NOS3: variants seen among roughly 807,000 people sequenced by gnomAD.
NOS3 encodes the protein nitric oxide synthase 3, also known as NOS type III.
In NOS3, 98 loss-of-function variants were observed where a neutral mutation model predicts 144.9. The observed-to-expected ratio is 0.68, with a 90% CI of 0.57 to 0.80. NOS3 has a LOEUF of 0.80. Among genes scored for constraint, NOS3 ranks in the 30% least tolerant of loss-of-function variants. NOS3 has a pLI of 0.00. For missense variants in NOS3, 1,465 were observed against 1,656.4 expected, an observed-to-expected ratio of 0.88 and a Z score of 2.01; for synonymous variants, 714 against 702.4, an observed-to-expected ratio of 1.02 and a Z score of -0.26.
rs756506565 is a variant in NOS3, at chr7:150,995,203, C to T, written c.159C>T (p.Ser53=). 6.3e-7 allele frequency: 1 copy of T among 1,576,124 alleles called. No individual in the cohort carries two copies. ...TGACCCTATCCCTGGCTCCCAACAG[C>T]CCCCCGAGCTCCCCGCTAACCCAGC... ...ASLLPPAPEH[S]PPSSPLTQPP... Residue 53 remains serine (S), a splice_region_variant and synonymous_variant, in exon 3 of 27, where the codon AGC becomes AGT. Transcript: ENST00000297494.
rs750442776 is a variant in NOS3 at position 151,014,072 on chromosome 7, G to A, written c.3515G>A (p.Arg1172His). The A allele has an allele frequency of 7.4e-6, 12 of 1,613,734 alleles. No individual in the cohort carries two copies. The highest frequency in any genetic ancestry group is 2.2e-5 in the South Asian group (2 of 91,072). Residue 1172 changes from arginine (R) to histidine (H), a missense_variant, in exon 27 of 27, where the codon CGC (arginine) becomes CAC (histidine). Transcript: ENST00000297494. The part of the protein sequence containing the change: ...LTLRTQEVTS[R>H]IRTQSFSLQE... ...CTGCGCACCCAGGAGGTGACAAGCC[G>A]CATACGCACCCAGAGCTTTTCCTTG...
chr7:151,014,272 C>T lies in NOS3; in HGVS notation c.*103C>T, dbSNP rs1795391246. On this transcript the variant is annotated 3_prime_UTR_variant, in exon 27 of 27. Coordinates refer to ENST00000297494, the MANE Select transcript of NOS3 (RefSeq NM_000603.5). The stretch of plus-strand genomic sequence containing the variant: ...TCCTCCCCTCTTGAGGTGGTGCCTT[C>T]TCACATCTGTCCAGAGGCTGCAAGG... 4.3e-6 allele frequency: 5 copies of T among 1,175,268 alleles called. No individual in the cohort carries two copies. In the Admixed American group the frequency reaches 9.8e-5, roughly 23 times the overall value. 72.8% of individuals were successfully genotyped at this position (1,175,268 alleles called of 1,614,324 possible).
At chr7:151,007,774 G>A (rs1205285806) in intron 17 of NOS3, among the ~76,000 whole-genome samples, 2 of 152,268 alleles carry the variant, frequency 1.3e-5, no homozygotes, top group Non-Finnish European at 2.9e-5. Context: ...AGCACAGGGA[G>A]AGGTGGATCC....
At chr7:151,009,745 G>C (rs569988810) in intron 20 of NOS3, among the ~76,000 whole-genome samples, 160 bp downstream of exon 20, 3 of 152,120 alleles carry the variant, frequency 2.0e-5, no homozygotes, top group Non-Finnish European at 2.9e-5. Flanking sequence ...CCACTGCCGG[G>C]CTGGCCTTGT....
In NOS3 at chr7:151,006,433, G is replaced by A. The variant is rs368760176; in HGVS notation, c.1759G>A (p.Ala587Thr). The stretch of plus-strand genomic sequence containing the variant: ...CAAACACTCCCCTCGCCAGAGCTTT[G>A]CAGCTGCCCTGATGGAGATGTCCGG... ...GDPPENGESF[A>T]AALMEMSGPY... The change falls in exon 15 of 27, where the codon GCA becomes ACA. Residue 587 changes from alanine (A) to threonine (T), a missense_variant. Ala to Thr is a moderately conservative substitution (Grantham distance 58, BLOSUM62 0). Coordinates refer to ENST00000297494, the MANE Select transcript of NOS3 (RefSeq NM_000603.5). The A allele has an allele frequency of 3.7e-6, 6 of 1,613,702 alleles. No homozygotes were observed. In the African/African-American group the frequency reaches 4.0e-5, roughly 11 times the overall value.
rs760308142 is a variant in NOS3, at chr7:150,998,439, G to A, written c.665G>A (p.Gly222Asp). 2 of 1,612,328 alleles carry A rather than the reference G, an allele frequency of 1.2e-6. No individual in the cohort carries two copies. Among genetic ancestry groups the A allele is most frequent in the South Asian group, 2.2e-5 (2 of 90,974 alleles). Residue 222 changes from glycine (G) to aspartate (D), a missense_variant, in exon 6 of 27, where the codon GGC becomes GAC. Gly to Asp is a moderately conservative substitution (Grantham distance 94). Around this residue, in one of 5 missense-constraint regions of NOS3, gnomAD observed 374 missense variants for 377.0 expected, o/e 0.99. Transcript: ENST00000297494. The surrounding 1 kb of genome is among the most constrained non-coding windows in gnomAD (Gnocchi z 5.0). ...CNHIKYATNR[G>D]NLRSAITVFP... ...CACATCAAGTATGCCACCAACCGGG[G>A]CAACCTTCGGTGAGTGCCCCCCACC...
At chr7:151,011,253 G>T (rs1795298198) in intron 23 of NOS3, among the ~76,000 whole-genome samples, 1 of 152,006 alleles carries the variant, frequency 6.6e-6, no homozygotes, top group Non-Finnish European at 1.5e-5. Context: ...GAAAGCTTCT[G>T]TGTTCCTCTC....
intron 3 of NOS3, 56 bp from the exon 4 acceptor site, chr7:150,996,348 T>A (rs1274612781): frequency 1.1e-4 from 12 of 111,008 alleles, no homozygotes; most frequent in African/African-American, 1.9e-4. Flanking sequence ...TGCCCCCAAC[T>A]CCCATCCCAC....
Position 151,009,793 on chromosome 7 carries a change from C to A in NOS3, c.2512+208C>A, listed in dbSNP as rs575623732. Among the ~76,000 whole-genome samples, 5 of 152,328 alleles carry A rather than the reference C, an allele frequency of 3.3e-5. No individual in the cohort carries two copies. The South Asian group carries it at 1.0e-3, about 32-fold the overall frequency. On this transcript the variant is annotated intron_variant, in intron 20 of 26. Coordinates refer to ENST00000297494, the MANE Select transcript of NOS3 (RefSeq NM_000603.5). ...CCCACACCCTCAAATGCACCCCCAC[C>A]AAAAGGCTGTCCCCTCCCTCTGGGC...
intron 14 of NOS3, among the ~76,000 whole-genome samples, chr7:151,004,770 G>A (rs3918228): frequency 0.016 from 2,476 of 152,336 alleles, 49 homozygotes; most frequent in Non-Finnish European, 0.022. Flanking sequence ...TAGGAGAGGA[G>A]TTAGTCACTG....
intron 15 of NOS3, 65 bp downstream of exon 15, chr7:151,006,559 G>C: frequency 7.3e-7 from 1 of 1,366,136 alleles, no homozygotes; most frequent in South Asian, 1.2e-5. Flanking sequence ...AAACAGAAAG[G>C]GGGTCTGAAA....
Position 151,002,188 on chromosome 7 carries a change from T to G in NOS3, c.1648-12T>G. 1 of 1,565,618 alleles carries G rather than the reference T, an allele frequency of 6.4e-7. No individual in the cohort carries two copies. Among genetic ancestry groups the G allele is most frequent in the South Asian group, 1.1e-5 (1 of 87,008 alleles). The stretch of plus-strand genomic sequence containing the variant: ...GCCACAGCACCCAGGACATCTGTCT[T>G]CCCACCCACAGGTCCTGTGTATGGA... On this transcript the variant is annotated splice_polypyrimidine_tract_variant and intron_variant, in intron 13 of 26. Coordinates refer to ENST00000297494, the MANE Select transcript of NOS3 (RefSeq NM_000603.5). This position sits in a 1 kb window ranked among gnomAD's most constrained non-coding sequence, Gnocchi z 4.1.
intron 24 of NOS3, 139 bp from the exon 25 acceptor site, chr7:151,013,092 T>G (rs1234938870): frequency 3.3e-6 from 3 of 909,602 alleles, no homozygotes; most frequent in Non-Finnish European, 5.1e-6. Context: ...TACACTCTCT[T>G]AGAGATGAAA....
Position 150,995,210 on chromosome 7 carries a change from A to T in NOS3, c.166A>T (p.Ser56Cys). The T allele has an allele frequency of 6.2e-7, 1 of 1,601,226 alleles. No homozygotes were observed. The highest frequency in any genetic ancestry group is 8.5e-7 in the Non-Finnish European group (1 of 1,170,270). The change falls in exon 3 of 27, where the codon AGC becomes TGC. Residue 56 changes from serine to cysteine, a missense_variant. Transcript: ENST00000297494. ...ATCCCTGGCTCCCAACAGCCCCCCG[A>T]GCTCCCCGCTAACCCAGCCCCCAGA... ...LPPAPEHSPPSSPLTQPPEGP... is the reference protein window; with the variant it reads ...LPPAPEHSPPCSPLTQPPEGP...
rs967242371 is a variant in NOS3 at position 150,995,278 on chromosome 7, C to T, written c.234C>T (p.Ser78=). The change falls in exon 3 of 27, where the codon AGC becomes AGT. Residue 78 remains serine, a synonymous_variant. Transcript: ENST00000297494. The part of the protein sequence containing the change: ...FPRVKNWEVG[S]ITYDTLSAQA... ...GTGTGAAGAACTGGGAGGTGGGGAG[C>T]ATCACCTATGACACCCTCAGCGCCC... is the stretch of plus-strand genomic sequence containing the variant. 9.3e-6 allele frequency: 15 copies of T among 1,611,518 alleles called. No homozygotes were observed. In the Admixed American group the frequency reaches 2.5e-4, roughly 27 times the overall value.
At position 151,006,933 on chromosome 7, in the gene NOS3, T is replaced by C; in HGVS notation, c.1865T>C (p.Leu622Pro). The C allele has an allele frequency of 1.2e-6, 2 of 1,614,128 alleles. No individual in the cohort carries two copies. ...AACAGCATCTCCTGCTCAGACCCAC[T>C]GGTGTCCTCTTGGCGGCGGAAGAGG... ...RFNSISCSDP[L>P]VSSWRRKRKE... The change falls in exon 16 of 27, where the codon CTG becomes CCG. Residue 622 changes from leucine (L) to proline (P), a missense_variant. Coordinates refer to ENST00000297494, the MANE Select transcript of NOS3 (RefSeq NM_000603.5).
chr7:151,011,745 C>G lies in NOS3; in HGVS notation c.2985-606C>G, dbSNP rs953902077. 40 of 335,304 alleles carry G rather than the reference C, an allele frequency of 1.2e-4. No homozygotes were observed. The Admixed American group carries it at 1.6e-3, about 13-fold the overall frequency. 20.8% of individuals were successfully genotyped at this position (335,304 alleles called of 1,614,324 possible). The stretch of plus-strand genomic sequence containing the variant: ...TTCACTATGTTGGCCAGGCTGGTCT[C>G]GAGCTCCTGACCTCACGATCCTCCC... On this transcript the variant is annotated intron_variant, in intron 23 of 26. Transcript: ENST00000297494.
Position 151,010,721 on chromosome 7 carries a change from C to T in NOS3, c.2810C>T (p.Pro937Leu). 2 of 1,613,232 alleles carry T rather than the reference C, an allele frequency of 1.2e-6. No individual in the cohort carries two copies. Among genetic ancestry groups the T allele is most frequent in the Non-Finnish European group, 1.7e-6 (2 of 1,179,668 alleles). Reference sequence around the variant, plus strand: ...CTCACCCAGCTGCCTCTGCTCCAGCCCCGGTACTACTCAGTCAGCTCGGCA... The same window carrying T: ...CTCACCCAGCTGCCTCTGCTCCAGCTCCGGTACTACTCAGTCAGCTCGGCA... ...LLLTQLPLLQ[P>L]RYYSVSSAPS... is the part of the protein sequence containing the mutation. Residue 937 changes from proline to leucine, a missense_variant, in exon 22 of 27, where the codon CCC becomes CTC. Transcript: ENST00000297494.
intron 24 of NOS3, 123 bp downstream of exon 24, chr7:151,012,595 A>C (rs1239700318): frequency 1.6e-6 from 2 of 1,268,750 alleles, no homozygotes; most frequent in African/African-American, 2.9e-5. Flanking sequence ...AGCTGAAAAG[A>C]CGCTCATGAG....
Sources: gnomAD v4.1 joint callset for allele counts (sites outside exome capture counted in the v4.1 genomes callset) on GRCh38, gnomAD v4.1.1 for gene constraint, gnomAD v4.1.1 regional missense constraint, Gnocchi (gnomAD v3.1) non-coding constraint, MANE v1.5 for transcripts, NCBI Gene and HGNC (gene_info 2026-07-23, HGNC 2026-07-21) for gene names.